Variants in ANKRD17 observed in about 807,000 individuals in gnomAD.
ANKRD17 encodes ankyrin repeat domain-containing protein 17.
ANKRD17 carries 19 observed loss-of-function variants against 229.7 expected under a neutral mutation model. The ratio of observed to expected loss-of-function variants is 0.08; its 90% CI spans 0.06 to 0.12. The LOEUF is 0.12. Ranked by LOEUF, ANKRD17 falls within the 10% of genes least tolerant of loss-of-function variation. ANKRD17 has a pLI of 1.00. For synonymous variants in ANKRD17, 1,112 were observed against 1,146.1 expected, an observed-to-expected ratio of 0.97 and a Z score of 0.60; for missense variants, 2,176 against 3,176.8, an observed-to-expected ratio of 0.68 and a Z score of 7.57.
chr4:73,092,552 T>C (rs531179504), intron 28 of ANKRD17, among the ~76,000 whole-genome samples: 20 of 152,294 alleles, frequency 1.3e-4, no homozygotes, highest in African/African-American at 4.6e-4. Context: ...AAATGACTTA[T>C]TTTTCAAAAA....
intron 1 of ANKRD17, among the ~76,000 whole-genome samples, chr4:73,212,393 T>C (rs1740396585): frequency 6.6e-6 from 1 of 152,204 alleles, no homozygotes; most frequent in African/African-American, 2.4e-5. Flanking sequence ...AGATATATTC[T>C]TCCATAATTC....
Position 73,111,180 on chromosome 4 carries a change from G to T in ANKRD17, c.4401+2612C>A, listed in dbSNP as rs182137221. ...TATATGTTTTTTCAAAGAAACCCAT[G>T]ATAAAATTTAATTTATAAATTAGGC... is the stretch of plus-strand genomic sequence containing the variant. On this transcript the variant is annotated intron_variant, in intron 24 of 33. Transcript: ENST00000358602. 5.8e-3 allele frequency among the ~76,000 whole-genome samples: 890 copies of T among 152,232 alleles called. 6 individuals are homozygous for T. The highest frequency in any genetic ancestry group is 9.4e-3 in the Non-Finnish European group (639 of 68,024).
intron 2 of ANKRD17, among the ~76,000 whole-genome samples, chr4:73,163,161 T>C (rs535510998): frequency 6.6e-6 from 1 of 152,184 alleles, no homozygotes; most frequent in African/African-American, 2.4e-5. Context: ...CAGCCCCCTG[T>C]AGTGGTTTTC....
chr4:73,247,632 T>G (rs1305795781), intron 1 of ANKRD17, among the ~76,000 whole-genome samples: 1 of 152,026 alleles, frequency 6.6e-6, no homozygotes, highest in Non-Finnish European at 1.5e-5. Context: ...CAGCATTTAC[T>G]CTAAGAATGG....
At chr4:73,083,862 C>T (rs984495417) in intron 30 of ANKRD17, among the ~76,000 whole-genome samples, 1 of 149,492 alleles carries the variant, frequency 6.7e-6, no homozygotes, top group African/African-American at 2.5e-5. Context: ...ACTCTTTACT[C>T]TTTCATTAAG....
chr4:73,137,353 T>G (rs1477846123), intron 15 of ANKRD17, among the ~76,000 whole-genome samples: 3 of 152,082 alleles, frequency 2.0e-5, no homozygotes, highest in African/African-American at 7.2e-5. Flanking sequence ...TTGGCAAGTG[T>G]GAAGAACAGG....
intron 24 of ANKRD17, among the ~76,000 whole-genome samples, chr4:73,110,533 T>C (rs1725184767): frequency 6.6e-6 from 1 of 152,200 alleles, no homozygotes; most frequent in African/African-American, 2.4e-5. Context: ...AGCACTTTTA[T>C]ACGAGGAATA....
chr4:73,255,112 C>T (rs184838960), intron 1 of ANKRD17, among the ~76,000 whole-genome samples: 75 of 152,148 alleles, frequency 4.9e-4, no homozygotes, highest in Non-Finnish European at 8.8e-4. Flanking sequence ...CAGGTATACC[C>T]GAAGTTATGC....
intron 1 of ANKRD17, among the ~76,000 whole-genome samples, chr4:73,238,264 T>C (rs896538222): frequency 1.3e-4 from 20 of 152,122 alleles, no homozygotes; most frequent in African/African-American, 4.6e-4. Context: ...AGGCCCCTTT[T>C]ATGAGAGACT....
rs192706489 is a variant in ANKRD17, at chr4:73,118,224, C to T, written c.4188+464G>A. On this transcript the variant is annotated intron_variant, in intron 22 of 33. Transcript: ENST00000358602. ...TAGAGGCAGGGCTTCGCTACATCTG[C>T]CTGCCTTGGCCTCCCAAAGTGCTGA... is the stretch of plus-strand genomic sequence containing the variant. 3.9e-4 allele frequency among the ~76,000 whole-genome samples: 59 copies of T among 152,200 alleles called. 1 individual carries two copies. Among genetic ancestry groups the T allele is most frequent in the Admixed American group, 3.8e-3 (58 of 15,282 alleles).
intron 1 of ANKRD17, among the ~76,000 whole-genome samples, chr4:73,184,662 G>T (rs909511856): frequency 1.3e-5 from 2 of 151,650 alleles, no homozygotes; most frequent in Non-Finnish European, 2.9e-5. Context: ...CTACTCATTG[G>T]ATTATACAAA....
At chr4:73,176,480 T>C (rs139262864) in intron 2 of ANKRD17, among the ~76,000 whole-genome samples, 2,269 of 152,158 alleles carry the variant, frequency 0.015, 24 homozygotes, top group Non-Finnish European at 0.024. Flanking sequence ...AATCAGTATA[T>C]TGAAGAGGTA....
At chr4:73,121,288 T>G in intron 19 of ANKRD17, 194 bp from the exon 20 acceptor site, 1 of 632,960 alleles carries the variant, frequency 1.6e-6, no homozygotes, top group Non-Finnish European at 2.7e-6. Context: ...ATATTTTTTG[T>G]ATTTCACTCA....
chr4:73,204,187 C>T (rs1739112190), intron 1 of ANKRD17, among the ~76,000 whole-genome samples: 1 of 151,642 alleles, frequency 6.6e-6, no homozygotes, highest in Admixed American at 6.6e-5. Flanking sequence ...GAAAACCCGT[C>T]TCTACTAAAA....
Position 73,091,657 on chromosome 4 carries a change from A to C in ANKRD17, c.5971T>G (p.Ser1991Ala). 1 of 1,614,208 alleles carries C rather than the reference A, an allele frequency of 6.2e-7. No individual in the cohort carries two copies. The highest frequency in any genetic ancestry group is 8.5e-7 in the Non-Finnish European group (1 of 1,180,046). ...AAAAGCTGCCTTCGGACAGAAGGTG[A>C]ACTTGGACTGCCATTTGTAGATGTA... is the stretch of plus-strand genomic sequence containing the variant. Reference protein sequence around the residue: ...PGTSTNGSPSSPSVRRQLFVT... With the variant: ...PGTSTNGSPSAPSVRRQLFVT... Residue 1991 changes from serine (S) to alanine (A), a missense_variant, in exon 29 of 34, where the codon TCA (serine) becomes GCA (alanine). By Grantham distance (99) the Ser-to-Ala change is moderately conservative. Coordinates refer to ENST00000358602, the MANE Select transcript of ANKRD17 (RefSeq NM_032217.5).
chr4:73,136,983 T>TTG (rs202027264), intron 15 of ANKRD17, among the ~76,000 whole-genome samples: 8,633 of 146,426 alleles, frequency 0.059, 856 homozygotes, highest in African/African-American at 0.21. Context: ...TTACAGAGTT[T>TTG]TTTTTTTTTT....
chr4:73,112,935 G>T, intron 24 of ANKRD17: 1 of 367,770 alleles, frequency 2.7e-6, no homozygotes, highest in Non-Finnish European at 4.1e-6. Context: ...TTACAGGCAT[G>T]CACCACCACG....
At chr4:73,256,957 G>A (rs1217336157) in intron 1 of ANKRD17, among the ~76,000 whole-genome samples, 1 of 152,208 alleles carries the variant, frequency 6.6e-6, no homozygotes, top group African/African-American at 2.4e-5. Flanking sequence ...TCTACAAATA[G>A]ACATGTGTCA....
intron 1 of ANKRD17, among the ~76,000 whole-genome samples, chr4:73,203,758 C>CAAAAA (rs67020753): frequency 5.3e-3 from 431 of 81,608 alleles, no homozygotes; most frequent in East Asian, 6.6e-3. Flanking sequence ...GACTCCGTCT[C>CAAAAA]AAAAAAAAAA....
Sources: allele counts gnomAD v4.1 joint callset (sites outside exome capture counted in the v4.1 genomes callset), GRCh38; gene constraint gnomAD v4.1.1; transcripts MANE v1.5; gene names NCBI Gene and HGNC (gene_info 2026-07-23, HGNC 2026-07-21).